ARHGEF28: variants seen among roughly 807,000 people sequenced by gnomAD.
ARHGEF28 encodes 190 kDa guanine nucleotide exchange factor.
ARHGEF28 carries 152 observed loss-of-function variants against 206.6 expected under a neutral mutation model. That is an observed-to-expected ratio of 0.74 (90% CI 0.64 to 0.84). ARHGEF28 has a LOEUF of 0.84. Among genes scored for constraint, ARHGEF28 ranks in the 40% least tolerant of loss-of-function variants. The pLI, the probability that ARHGEF28 is intolerant of heterozygous loss-of-function variation, is 0.00. For synonymous variants in ARHGEF28, 763 were observed against 776.4 expected (o/e 0.98, Z 0.29); for missense variants, 2,028 against 2,073.2 (o/e 0.98, Z 0.42).
intron 4 of ARHGEF28, among the ~76,000 whole-genome samples, chr5:73,769,424 C>T (rs1038445588): frequency 5.3e-5 from 8 of 152,158 alleles, no homozygotes. Context: ...ATAATTTTAA[C>T]TTTTACTCTT....
rs1419039461 is a variant in ARHGEF28 at position 73,858,233 on chromosome 5, T to C, written c.2047+14T>C. On this transcript the variant is annotated intron_variant, in intron 16 of 35. Coordinates refer to ENST00000513042, the MANE Select transcript of ARHGEF28 (RefSeq NM_001177693.2). ...TGCAGTGTTCTAGTAAGTTCTCAGGTCTATGTGCGCTGTCTTTGTTTTCAT... is the reference window on the plus strand; with the variant it reads ...TGCAGTGTTCTAGTAAGTTCTCAGGCCTATGTGCGCTGTCTTTGTTTTCAT... 1 of 1,562,102 alleles carries C rather than the reference T, an allele frequency of 6.4e-7. No individual in the cohort carries two copies. Among genetic ancestry groups the C allele is most frequent in the Non-Finnish European group, 8.6e-7 (1 of 1,160,584 alleles).
chr5:73,810,983 G>C (rs1376643722), intron 9 of ARHGEF28, among the ~76,000 whole-genome samples: 1 of 152,090 alleles, frequency 6.6e-6, no homozygotes, highest in Non-Finnish European at 1.5e-5. Flanking sequence ...TAAGGGGATG[G>C]TATAGTAGAG....
In ARHGEF28 at chr5:73,826,372, A is replaced by C. The variant is rs547572652; in HGVS notation, c.1025-5966A>C. ...AAGGTCTAGAGTTAAAACAAAATAC[A>C]ATGAATGAATGAAACCAATCTACTC... On this transcript the variant is annotated intron_variant, in intron 9 of 35. Coordinates refer to ENST00000513042, the MANE Select transcript of ARHGEF28 (RefSeq NM_001177693.2). 2.0e-5 allele frequency among the ~76,000 whole-genome samples: 3 copies of C among 152,314 alleles called. No individual in the cohort carries two copies. In the East Asian group the frequency reaches 5.8e-4, roughly 29 times the overall value.
chr5:73,723,400 T>A (rs554299418), intron 2 of ARHGEF28, among the ~76,000 whole-genome samples: 5 of 152,082 alleles, frequency 3.3e-5, no homozygotes, highest in Admixed American at 1.3e-4. Context: ...GTTGGCCAGG[T>A]TGGTCTCAAT....
At position 73,808,849 on chromosome 5, in the gene ARHGEF28, T is replaced by C. The variant is rs1350790839; in HGVS notation, c.1024+13458T>C. Among the ~76,000 whole-genome samples the C allele has an allele frequency of 2.6e-5, 4 of 152,272 alleles. No homozygotes were observed. The South Asian group carries it at 6.2e-4, about 24-fold the overall frequency. ...TCCTTCCCTTCTTCTTCCTCCTTCT[T>C]CTCCTCCTCCTGCTGTTTCTGTCTT... On this transcript the variant is annotated intron_variant, in intron 9 of 35. Transcript: ENST00000513042.
intron 35 of ARHGEF28, among the ~76,000 whole-genome samples, chr5:73,928,340 C>T (rs1007997198): frequency 2.3e-4 from 35 of 152,092 alleles, no homozygotes; most frequent in Admixed American, 1.8e-3. Context: ...GGCTTGAACC[C>T]GGGAGGTGGA....
chr5:73,750,036 C>A, intron 3 of ARHGEF28, 52 bp downstream of exon 3: 1 of 1,595,582 alleles, frequency 6.3e-7, no homozygotes, highest in South Asian at 1.1e-5. Flanking sequence ...CAAATAACTT[C>A]CCTCCAGGGC....
At position 73,911,561 on chromosome 5, in the gene ARHGEF28, A is replaced by T. The variant is rs1275033892; in HGVS notation, c.4934A>T (p.Asp1645Val). 22 of 1,601,664 alleles carry T rather than the reference A, an allele frequency of 1.4e-5. No individual in the cohort carries two copies. Among genetic ancestry groups the T allele is most frequent in the Non-Finnish European group, 1.9e-5 (22 of 1,172,872 alleles). ...QILPFHESSKDSCKNDLDTSH... is the reference protein window; with the variant it reads ...QILPFHESSKVSCKNDLDTSH... ...CTTCCTTTCCATGAAAGCAGCAAGG[A>T]TTCTTGTAAAAATGGTAATTAACAC... The change falls in exon 35 of 36, where the codon GAT becomes GTT. Residue 1645 changes from aspartate (D) to valine (V), a missense_variant. Asp to Val is a radical substitution (Grantham distance 152). Around this residue, in one of 3 missense-constraint regions of ARHGEF28, gnomAD observed 803 missense variants for 768.0 expected, o/e 1.05. Coordinates refer to ENST00000513042, the MANE Select transcript of ARHGEF28 (RefSeq NM_001177693.2).
intron 2 of ARHGEF28, among the ~76,000 whole-genome samples, chr5:73,709,131 A>G (rs1262888259): frequency 6.6e-6 from 1 of 152,138 alleles, no homozygotes; most frequent in East Asian, 1.9e-4. Flanking sequence ...TACGTTTGTA[A>G]TACAGTTAGA....
At chr5:73,828,712 TTCTC>T (rs1393467600) in intron 9 of ARHGEF28, among the ~76,000 whole-genome samples, 1 of 151,728 alleles carries the variant, frequency 6.6e-6, no homozygotes, top group African/African-American at 2.4e-5. Flanking sequence ...CTCTGTCTCT[TTCTC>T]TTTCTTTCTC....
intron 11 of ARHGEF28, among the ~76,000 whole-genome samples, chr5:73,844,823 T>A (rs902116610): frequency 6.7e-6 from 1 of 148,378 alleles, no homozygotes; most frequent in Non-Finnish European, 1.5e-5. Context: ...TGCATTAACA[T>A]GCACCCAGGA....
intron 2 of ARHGEF28, among the ~76,000 whole-genome samples, chr5:73,737,661 G>A (rs1159924831): frequency 3.9e-5 from 5 of 128,402 alleles, no homozygotes; most frequent in East Asian, 1.9e-4. Context: ...ACAGGTGCAC[G>A]CTGCCACCAC....
chr5:73,792,815 C>T (rs979767347), intron 7 of ARHGEF28, among the ~76,000 whole-genome samples: 1 of 152,102 alleles, frequency 6.6e-6, no homozygotes, highest in African/African-American at 2.4e-5. Flanking sequence ...TGTAGTGGGA[C>T]AAAAATGCTA....
chr5:73,941,172 T>A lies in ARHGEF28; in HGVS notation c.*159T>A. On this transcript the variant is annotated 3_prime_UTR_variant, in exon 36 of 36. Coordinates refer to ENST00000513042, the MANE Select transcript of ARHGEF28 (RefSeq NM_001177693.2). ...CTCATTTTTTTGGCATGAGTCTAAT[T>A]AAATTATTGAAAGCCACCCTGTTTG... 3 of 630,378 alleles carry A rather than the reference T, an allele frequency of 4.8e-6. No homozygotes were observed. Among genetic ancestry groups the A allele is most frequent in the Non-Finnish European group, 6.8e-6 (3 of 440,304 alleles). 39.0% of individuals were successfully genotyped at this position (630,378 alleles called of 1,614,324 possible).
intron 35 of ARHGEF28, among the ~76,000 whole-genome samples, chr5:73,926,943 T>C (rs1049040023): frequency 1.3e-5 from 2 of 152,236 alleles, no homozygotes; most frequent in Non-Finnish European, 2.9e-5. Context: ...TTCATGATCC[T>C]TGCTCTTGAT....
intron 1 of ARHGEF28, among the ~76,000 whole-genome samples, chr5:73,674,076 T>C (rs1403068289): frequency 6.7e-6 from 1 of 148,514 alleles, no homozygotes; most frequent in Non-Finnish European, 1.5e-5. Context: ...AGGGCTGAGG[T>C]GGGAGGATCA....
At position 73,794,353 on chromosome 5, in the gene ARHGEF28, C is replaced by T. The variant is rs60348859; in HGVS notation, c.911-49C>T. On this transcript the variant is annotated intron_variant, in intron 7 of 35. Transcript: ENST00000513042. ...TTGTCAGCTAGTAGTTGTTGTTCTT[C>T]TTAACAAAAGCTCCCATCAGCAGAT... 5.6e-5 allele frequency: 84 copies of T among 1,488,880 alleles called. No individual in the cohort carries two copies. The South Asian group carries it at 8.8e-4, about 16-fold the overall frequency. The allele number at this position is 1,488,880 out of a possible 1,614,324, so 92.2% of individuals were successfully genotyped here. A position where few individuals can be genotyped will look rare whatever the true frequency, so the allele number is the denominator to read the frequency against.
At chr5:73,894,598 T>G (rs1761850259) in intron 29 of ARHGEF28, 23 bp downstream of exon 29, 3 of 1,610,048 alleles carry the variant, frequency 1.9e-6, no homozygotes, top group Admixed American at 3.4e-5. Context: ...GAGAAGGGTT[T>G]GGGTCGACAC....
At chr5:73,649,825 T>C (rs560793820) in intron 1 of ARHGEF28, among the ~76,000 whole-genome samples, 1 of 152,262 alleles carries the variant, frequency 6.6e-6, no homozygotes, top group East Asian at 1.9e-4. Flanking sequence ...AAAGACGGGC[T>C]GGCACAGTGA....
Sources: gnomAD v4.1 joint callset for allele counts (sites outside exome capture counted in the v4.1 genomes callset) on GRCh38, gnomAD v4.1.1 for gene constraint, gnomAD v4.1.1 regional missense constraint, MANE v1.5 for transcripts, NCBI Gene and HGNC (gene_info 2026-07-23, HGNC 2026-07-21) for gene names.